The following RREB1 variants were observed in gnomAD, a reference collection of about 807,000 sequenced individuals.
RREB1 encodes the protein ras-responsive element-binding protein 1.
Under a neutral mutation model 117.8 loss-of-function variants are expected in RREB1, and 27 were observed. The ratio of observed to expected loss-of-function variants is 0.23; its 90% CI spans 0.17 to 0.32. The LOEUF (loss-of-function observed/expected upper bound fraction) is 0.32, where lower values mean the gene tolerates loss of function less well. Ranked by LOEUF, RREB1 falls within the 10% of genes least tolerant of loss-of-function variation. RREB1 has a pLI of 1.00. For synonymous variants in RREB1, 1,298 were observed against 1,026.7 expected (o/e 1.26, Z -5.05); for missense variants, 2,577 against 2,378.2 (o/e 1.08, Z -1.74).
At chr6:7,198,996 A>G (rs1460994914) in intron 6 of RREB1, among the ~76,000 whole-genome samples, 1 of 152,230 alleles carries the variant, frequency 6.6e-6, no homozygotes, top group Non-Finnish European at 1.5e-5. Flanking sequence ...AGTTCCCCCC[A>G]GTAGCATTAT....
chr6:7,248,493 T>G lies in RREB1; in HGVS notation c.4772-18T>G. 2 of 1,608,708 alleles carry G rather than the reference T, an allele frequency of 1.2e-6. No individual in the cohort carries two copies. The highest frequency in any genetic ancestry group is 1.7e-6 in the Non-Finnish European group (2 of 1,175,350). ...GGTGCCTTTTGGTTAATGGAAATTC[T>G]TTCTTCCATTGTTCCAGGGGAAAGG... is the stretch of plus-strand genomic sequence containing the variant. On this transcript the variant is annotated intron_variant, in intron 12 of 12. Coordinates refer to ENST00000379938, the MANE Select transcript of RREB1 (RefSeq NM_001003699.4).
chr6:7,132,350 C>T (rs1277602293), intron 1 of RREB1, among the ~76,000 whole-genome samples: 2 of 131,156 alleles, frequency 1.5e-5, no homozygotes, highest in Admixed American at 8.0e-5. Flanking sequence ...CCACCGTGCC[C>T]AGCCGAGATT....
At chr6:7,124,445 G>A (rs1358921842) in intron 1 of RREB1, among the ~76,000 whole-genome samples, 1 of 152,212 alleles carries the variant, frequency 6.6e-6, no homozygotes, top group Non-Finnish European at 1.5e-5. Flanking sequence ...GCTACCAGAA[G>A]TCTCATGGTA....
chr6:7,246,238 G>A (rs1022036749), intron 11 of RREB1, among the ~76,000 whole-genome samples, 186 bp from the exon 12 acceptor site: 20 of 152,170 alleles, frequency 1.3e-4, no homozygotes, highest in Admixed American at 4.6e-4. Flanking sequence ...CTTTCTTCAC[G>A]TCCCCAGGGT....
chr6:7,112,800 A>G (rs182541026), intron 1 of RREB1, among the ~76,000 whole-genome samples: 165 of 140,658 alleles, frequency 1.2e-3, no homozygotes, highest in African/African-American at 3.9e-3. Flanking sequence ...CCTGTCGGCA[A>G]TGTCATCGAC....
chr6:7,199,657 T>TTATTGTTTTG (rs1765842323), intron 6 of RREB1, among the ~76,000 whole-genome samples: 1 of 151,850 alleles, frequency 6.6e-6, no homozygotes, highest in South Asian at 2.1e-4. Context: ...GTGTGTGATT[T>TTATTGTTTTG]TTTTGTTTTG....
intron 4 of RREB1, among the ~76,000 whole-genome samples, chr6:7,186,692 GAC>G (rs944553027): frequency 3.3e-5 from 5 of 152,200 alleles, no homozygotes; most frequent in Non-Finnish European, 7.3e-5. Flanking sequence ...TTCTGAAAAA[GAC>G]AAAACATACT....
intron 9 of RREB1, among the ~76,000 whole-genome samples, chr6:7,227,059 A>C (rs1332316662): frequency 6.6e-6 from 1 of 152,066 alleles, no homozygotes; most frequent in Non-Finnish European, 1.5e-5. Context: ...TGGACAGCAC[A>C]GCAAGACTTT....
intron 9 of RREB1, among the ~76,000 whole-genome samples, chr6:7,227,976 A>G (rs952740166): frequency 1.3e-5 from 2 of 152,226 alleles, no homozygotes; most frequent in East Asian, 3.9e-4. Context: ...CTGAGGCATG[A>G]CAATCTCTTG....
At chr6:7,172,711 T>C (rs1052790850) in intron 1 of RREB1, among the ~76,000 whole-genome samples, 5 of 151,436 alleles carry the variant, frequency 3.3e-5, no homozygotes, top group Admixed American at 2.0e-4. Flanking sequence ...GGGGTGACTT[T>C]CTTGGGTTGC....
chr6:7,243,020 G>A (rs1361015023), intron 11 of RREB1, among the ~76,000 whole-genome samples: 1 of 152,186 alleles, frequency 6.6e-6, no homozygotes, highest in Non-Finnish European at 1.5e-5. Context: ...TGTGTTTGTA[G>A]GCACCTACAT....
At position 7,231,442 on chromosome 6, in the gene RREB1, G is replaced by A. The variant is rs547624264; in HGVS notation, c.3343G>A (p.Ala1115Thr). The A allele has an allele frequency of 6.3e-5, 101 of 1,612,862 alleles. No homozygotes were observed. The highest frequency in any genetic ancestry group is 7.6e-5 in the Non-Finnish European group (90 of 1,179,790). The change falls in exon 10 of 13, where the codon GCC becomes ACC. Residue 1115 changes from alanine to threonine, a missense_variant. Ala to Thr is a moderately conservative substitution (Grantham distance 58). Coordinates refer to ENST00000379938, the MANE Select transcript of RREB1 (RefSeq NM_001003699.4). The stretch of plus-strand genomic sequence containing the variant: ...TTCTGTCCCCAAAGCCGCCACCACC[G>A]CCACCCCCGCTGCCACCACCAGCCC... ...GGSVPKAATT[A>T]TPAATTSPKE...
upstream of RREB1, chr6:7,107,903 G>C (rs1026027043): frequency 6.5e-6 from 1 of 152,970 alleles, no homozygotes; most frequent in Non-Finnish European, 1.5e-5. Context: ...GGGAGAAGAG[G>C]AGGAGGGGAA....
Position 7,246,962 on chromosome 6 carries a change from G to A in RREB1, c.4512G>A (p.Pro1504=), listed in dbSNP as rs774014879. ...AGGAGGAGAAGCCCCCCGAGACCCC[G>A]GCAGAGGTGGTGGAGTCGGCCCCGG... The part of the protein sequence containing the change: ...PEQEEKPPET[P]AEVVESAPGA... The change falls in exon 12 of 13, where the codon CCG becomes CCA. Residue 1504 remains proline, a synonymous_variant. Transcript: ENST00000379938. The A allele has an allele frequency of 1.3e-5, 20 of 1,571,286 alleles. No individual in the cohort carries two copies. The East Asian group carries it at 3.3e-4, about 26-fold the overall frequency.
At chr6:7,206,828 CT>C (rs34228389) in intron 6 of RREB1, among the ~76,000 whole-genome samples, 84,589 of 151,984 alleles carry the variant, frequency 0.56, 24,439 homozygotes, top group East Asian at 0.8. Flanking sequence ...CAGCAAGCAT[CT>C]TGAGTCCCAG....
intron 1 of RREB1, chr6:7,140,795 G>C (rs1036290259): frequency 1.3e-5 from 2 of 152,256 alleles, no homozygotes; most frequent in Admixed American, 6.5e-5. Context: ...AAGTGGACTT[G>C]GTCCTGCTCG....
intron 6 of RREB1, among the ~76,000 whole-genome samples, chr6:7,193,520 A>G (rs778267507): frequency 9.2e-5 from 14 of 152,386 alleles, no homozygotes; most frequent in Middle Eastern, 3.4e-3. Flanking sequence ...TTCAGAGGCC[A>G]TGCTTTTAAC....
At chr6:7,157,952 A>G (rs1053516553) in intron 1 of RREB1, among the ~76,000 whole-genome samples, 1 of 151,920 alleles carries the variant, frequency 6.6e-6, no homozygotes. Flanking sequence ...CCTGTGCCCT[A>G]CCAGGGGTGT....
At chr6:7,122,604 A>G (rs1761726436) in intron 1 of RREB1, among the ~76,000 whole-genome samples, 1 of 152,236 alleles carries the variant, frequency 6.6e-6, no homozygotes, top group Non-Finnish European at 1.5e-5. Flanking sequence ...ATAGATGGGA[A>G]CAAAACTCAA....
Sources: gnomAD v4.1 joint callset for allele counts (sites outside exome capture counted in the v4.1 genomes callset) on GRCh38, gnomAD v4.1.1 for gene constraint, MANE v1.5 for transcripts, NCBI Gene and HGNC (gene_info 2026-07-23, HGNC 2026-07-21) for gene names.